Variants in OXR1 observed in about 807,000 individuals in gnomAD.
OXR1 encodes the protein oxidation resistance protein 1.
Under a neutral mutation model 104.6 loss-of-function variants are expected in OXR1, and 41 were observed. The observed-to-expected ratio is 0.39, with a 90% CI of 0.31 to 0.51. The LOEUF (loss-of-function observed/expected upper bound fraction) is 0.51, where lower values mean the gene tolerates loss of function less well. Among genes scored for constraint, OXR1 ranks in the 20% least tolerant of loss-of-function variants. The pLI, the probability that OXR1 is intolerant of heterozygous loss-of-function variation, is 0.77. For synonymous variants in OXR1, 348 were observed against 348.4 expected (o/e 1.00, Z 0.01); for missense variants, 955 against 1,031.9 (o/e 0.93, Z 1.02).
intron 2 of OXR1, among the ~76,000 whole-genome samples, chr8:106,494,020 G>T (rs1811265359): frequency 6.6e-6 from 1 of 152,144 alleles, no homozygotes; most frequent in South Asian, 2.1e-4. Flanking sequence ...TAGTCATTAT[G>T]AGATTTATAC....
chr8:106,620,360 TG>T (rs560402372), intron 3 of OXR1, among the ~76,000 whole-genome samples: 23 of 152,274 alleles, frequency 1.5e-4, no homozygotes, highest in Non-Finnish European at 2.9e-4. Flanking sequence ...TCACAATCAG[TG>T]GTATCTTAGA....
intron 2 of OXR1, among the ~76,000 whole-genome samples, chr8:106,359,884 C>T (rs1816166279): frequency 6.6e-6 from 1 of 152,102 alleles, no homozygotes; most frequent in Non-Finnish European, 1.5e-5. Context: ...ACCTCCAATA[C>T]CTTTCTTCCC....
At chr8:106,395,716 T>G (rs1305688329) in intron 2 of OXR1, among the ~76,000 whole-genome samples, 1 of 152,110 alleles carries the variant, frequency 6.6e-6, no homozygotes, top group African/African-American at 2.4e-5. Context: ...CCTAGGTCTG[T>G]CTACCAAGAG....
Position 106,726,959 on chromosome 8 carries a change from C to A in OXR1, c.1957-10561C>A, listed in dbSNP as rs28924679. Among the ~76,000 whole-genome samples, 13 of 152,182 alleles carry A rather than the reference C, an allele frequency of 8.5e-5. No individual in the cohort carries two copies. In the East Asian group the frequency reaches 2.3e-3, roughly 27 times the overall value. ...TGCTTATGAATGTTTATTTTATTTT[C>A]ACTTAATTGTAGATGATTTAAAATC... On this transcript the variant is annotated intron_variant, in intron 11 of 16. Transcript: ENST00000517566.
intron 12 of OXR1, among the ~76,000 whole-genome samples, chr8:106,738,893 A>G (rs1438772489): frequency 1.3e-5 from 2 of 152,140 alleles, no homozygotes; most frequent in Non-Finnish European, 2.9e-5. Context: ...AGTTATAAAA[A>G]GAAAGCATTT....
chr8:106,573,735 G>T (rs1453173493), intron 3 of OXR1, among the ~76,000 whole-genome samples: 1 of 152,172 alleles, frequency 6.6e-6, no homozygotes, highest in African/African-American at 2.4e-5. Context: ...TAAGATGTCT[G>T]ATCTGAAGTA....
At chr8:106,500,838 G>A (rs1811763790) in intron 2 of OXR1, among the ~76,000 whole-genome samples, 1 of 152,180 alleles carries the variant, frequency 6.6e-6, no homozygotes, top group Admixed American at 6.5e-5. Flanking sequence ...TCTGTTCTAA[G>A]CACTGGGGAT....
intron 2 of OXR1, among the ~76,000 whole-genome samples, chr8:106,387,729 A>C (rs1817433976): frequency 6.6e-6 from 1 of 152,226 alleles, no homozygotes; most frequent in Non-Finnish European, 1.5e-5. Context: ...ATTGGAGGAC[A>C]CATGGTATAG....
At chr8:106,357,768 A>G (rs953914623) in intron 1 of OXR1, among the ~76,000 whole-genome samples, 8 of 152,158 alleles carry the variant, frequency 5.3e-5, no homozygotes, top group African/African-American at 1.9e-4. Flanking sequence ...TATAAATATA[A>G]AATGTAAAAT....
At chr8:106,391,820 G>A (rs1817596899) in intron 2 of OXR1, among the ~76,000 whole-genome samples, 1 of 152,076 alleles carries the variant, frequency 6.6e-6, no homozygotes, top group East Asian at 1.9e-4. Context: ...TTAAAATATG[G>A]AAAATTTTAA....
At chr8:106,470,134 G>A (rs1821408803) in intron 2 of OXR1, among the ~76,000 whole-genome samples, 1 of 151,758 alleles carries the variant, frequency 6.6e-6, no homozygotes, top group African/African-American at 2.4e-5. Flanking sequence ...AGTATCTCGT[G>A]ATTGGCCTGT....
intron 11 of OXR1, among the ~76,000 whole-genome samples, chr8:106,728,220 A>G (rs1413386511): frequency 6.7e-6 from 1 of 149,934 alleles, no homozygotes; most frequent in African/African-American, 2.5e-5. Context: ...TAAACTGGAA[A>G]AAAAAAAAAA....
chr8:106,649,970 A>G (rs1824426429), intron 3 of OXR1, among the ~76,000 whole-genome samples: 1 of 152,182 alleles, frequency 6.6e-6, no homozygotes, highest in Non-Finnish European at 1.5e-5. Context: ...TGCTGGGATT[A>G]CAGGTGTGAG....
At chr8:106,593,273 C>T (rs565262699) in intron 3 of OXR1, among the ~76,000 whole-genome samples, 17 of 152,266 alleles carry the variant, frequency 1.1e-4, no homozygotes, top group East Asian at 9.7e-4. Flanking sequence ...GCACCCGACC[C>T]GCCGGAACTC....
chr8:106,678,469 TTAA>T (rs1290955461), intron 3 of OXR1, among the ~76,000 whole-genome samples: 1 of 152,024 alleles, frequency 6.6e-6, no homozygotes, highest in African/African-American at 2.4e-5. Context: ...AGATTTCATT[TTAA>T]TAATTTTTAT....
chr8:106,552,801 A>C (rs1009505318), intron 3 of OXR1, among the ~76,000 whole-genome samples: 1 of 152,170 alleles, frequency 6.6e-6, no homozygotes, highest in African/African-American at 2.4e-5. Context: ...AGTTAAGTTC[A>C]TTTGTATGAA....
chr8:106,432,710 A>C (rs890883293), intron 2 of OXR1, among the ~76,000 whole-genome samples: 3 of 152,064 alleles, frequency 2.0e-5, no homozygotes, highest in Non-Finnish European at 4.4e-5. Flanking sequence ...GTATGCATGC[A>C]TGTAGGATGC....
In OXR1 at chr8:106,742,239, A is replaced by G; in HGVS notation, c.2334A>G (p.Ala778=). ...DSDGQVFGAL[A]SEPLKVSDGF... ...ATCCTTAGGTTTTTGGTGCGTTAGC[A>G]TCTGAGCCACTGAAAGTGAGTGATG... is the stretch of plus-strand genomic sequence containing the variant. Residue 778 remains alanine, a synonymous_variant, in exon 15 of 17, where the codon GCA becomes GCG. Transcript: ENST00000517566. The G allele has an allele frequency of 6.2e-7, 1 of 1,605,306 alleles. No individual in the cohort carries two copies. Among genetic ancestry groups the G allele is most frequent in the Middle Eastern group, 1.7e-4 (1 of 6,036 alleles).
chr8:106,473,798 CTT>C lies in OXR1; in HGVS notation c.24-45144_24-45143del, dbSNP rs1240467982. ...GTTTTAGTTTTGCCTACTCAGTACT[CTT>C]AAGAAAAATCAGATACGGAGCCTCA... On this transcript the variant is annotated intron_variant, in intron 2 of 16. Coordinates refer to ENST00000517566, the MANE Select transcript of OXR1 (RefSeq NM_001198533.2). 2.7e-5 allele frequency among the ~76,000 whole-genome samples: 4 copies of C among 149,294 alleles called. No individual in the cohort carries two copies. The East Asian group carries it at 7.9e-4, about 30-fold the overall frequency.
Sources: allele counts gnomAD v4.1 joint callset (sites outside exome capture counted in the v4.1 genomes callset), GRCh38; gene constraint gnomAD v4.1.1; transcripts MANE v1.5; gene names NCBI Gene and HGNC (gene_info 2026-07-23, HGNC 2026-07-21).